The following APTX variants were observed in gnomAD, a reference collection of about 807,000 sequenced individuals.
The protein encoded by APTX is aprataxin.
A neutral mutation model predicts 42.3 loss-of-function variants in APTX; 33 were observed. The observed-to-expected ratio is 0.78, with a 90% CI of 0.59 to 1.04. The LOEUF is 1.04. Among genes scored for constraint, APTX ranks in the 50% least tolerant of loss-of-function variants. The pLI, the probability that APTX is intolerant of heterozygous loss-of-function variation, is 0.00. For synonymous variants in APTX, 130 were observed against 146.7 expected (o/e 0.89, Z 0.82); for missense variants, 421 against 415.1 (o/e 1.01, Z -0.12).
At chr9:32,988,928 T>G (rs1390980422) in intron 2 of APTX, among the ~76,000 whole-genome samples, 1 of 152,048 alleles carries the variant, frequency 6.6e-6, no homozygotes, top group Non-Finnish European at 1.5e-5. Context: ...GTGTGAGAAG[T>G]GGTAACATTA....
upstream of APTX, among the ~76,000 whole-genome samples, chr9:33,004,402 T>C (rs1290639458): frequency 6.6e-6 from 1 of 152,226 alleles, no homozygotes; most frequent in Non-Finnish European, 1.5e-5. Flanking sequence ...CAAAAACCAT[T>C]TGTACCCCTA....
intron 1 of APTX, 61 bp from the exon 2 acceptor site, chr9:32,989,956 G>A (rs1833167218): frequency 6.4e-7 from 1 of 1,566,126 alleles, no homozygotes; most frequent in African/African-American, 1.4e-5. Context: ...GTCCTCCAGG[G>A]CCACACCCGG....
At chr9:32,992,307 G>C (rs1833835047) in intron 1 of APTX, among the ~76,000 whole-genome samples, 1 of 152,228 alleles carries the variant, frequency 6.6e-6, no homozygotes, top group South Asian at 2.1e-4. Context: ...GGCAAAGTGA[G>C]CAAATGACAG....
chr9:32,998,160 T>G (rs953292617), intron 1 of APTX, among the ~76,000 whole-genome samples: 1 of 152,162 alleles, frequency 6.6e-6, no homozygotes, highest in African/African-American at 2.4e-5. Flanking sequence ...CTGTGGGACT[T>G]GCAGGCAGAG....
At chr9:33,019,791 G>A in intron 1 of APTX, 1 of 616,962 alleles carries the variant, frequency 1.6e-6, no homozygotes, top group Middle Eastern at 3.2e-4. Flanking sequence ...ATTCGGAGCA[G>A]GCAACAGTCT....
intron 1 of APTX, among the ~76,000 whole-genome samples, chr9:33,021,054 GGGAGGC>G (rs781023621): frequency 4.0e-4 from 61 of 152,090 alleles, no homozygotes; most frequent in Middle Eastern, 3.4e-3. Flanking sequence ...GCTTGAACCT[GGGAGGC>G]GGAGGCTGCA....
intron 1 of APTX, among the ~76,000 whole-genome samples, chr9:33,022,050 G>A (rs1273953392): frequency 1.3e-5 from 2 of 151,644 alleles, no homozygotes; most frequent in Non-Finnish European, 1.5e-5. Flanking sequence ...ATGCTGGACT[G>A]ATGAAGGGGA....
chr9:32,996,703 T>C (rs939089966), intron 1 of APTX, among the ~76,000 whole-genome samples: 1 of 152,258 alleles, frequency 6.6e-6, no homozygotes, highest in African/African-American at 2.4e-5. Flanking sequence ...TTATTGGATG[T>C]GGTCAAACTA....
rs1344055947 is a variant in APTX, at chr9:33,021,422, G to A, written c.-5+3601C>T. Among the ~76,000 whole-genome samples, 7 of 152,008 alleles carry A rather than the reference G, an allele frequency of 4.6e-5. No homozygotes were observed. In the East Asian group the frequency reaches 1.3e-3, roughly 29 times the overall value. On this transcript the variant is annotated intron_variant, in intron 1 of 6. Transcript: ENST00000436040. Reference sequence around the variant, plus strand: ...GGGAATCTGCCAGAAATATTCCTAAGTTCCTCTGGAAGAATAAACATATTA... The same window carrying A: ...GGGAATCTGCCAGAAATATTCCTAAATTCCTCTGGAAGAATAAACATATTA...
intron 1 of APTX, among the ~76,000 whole-genome samples, chr9:32,993,237 T>G (rs1267618976): frequency 6.6e-6 from 1 of 152,250 alleles, no homozygotes; most frequent in Non-Finnish European, 1.5e-5. Context: ...TGTTCCTTTT[T>G]ACTACTTCCT....
intron 1 of APTX, among the ~76,000 whole-genome samples, chr9:33,012,877 A>G (rs1837636604): frequency 6.6e-6 from 1 of 152,242 alleles, no homozygotes; most frequent in Non-Finnish European, 1.5e-5. Flanking sequence ...TCTGGAAGTC[A>G]TAAGATTGTC....
At chr9:32,992,452 A>C (rs1220786665) in intron 1 of APTX, among the ~76,000 whole-genome samples, 1 of 152,228 alleles carries the variant, frequency 6.6e-6, no homozygotes, top group East Asian at 1.9e-4. Context: ...AAGGGGACTG[A>C]TAAAGAAGAA....
chr9:32,977,376 CG>C (rs964903940), intron 6 of APTX, among the ~76,000 whole-genome samples: 1 of 151,994 alleles, frequency 6.6e-6, no homozygotes, highest in Non-Finnish European at 1.5e-5. Flanking sequence ...CCCAGCTACT[CG>C]GGAGGCTGAG....
chr9:33,008,111 C>T (rs1188890586), intron 1 of APTX, among the ~76,000 whole-genome samples: 2 of 152,044 alleles, frequency 1.3e-5, no homozygotes, highest in Non-Finnish European at 2.9e-5. Context: ...TTCCCAACTT[C>T]GTTATGTCAT....
chr9:33,005,626 G>A (rs1262603431), upstream of APTX, among the ~76,000 whole-genome samples: 1 of 150,970 alleles, frequency 6.6e-6, no homozygotes, highest in Non-Finnish European at 1.5e-5. Flanking sequence ...TAGAGACAGA[G>A]GTCTTGCTAT....
At chr9:33,015,697 A>G (rs1195099097) in intron 1 of APTX, among the ~76,000 whole-genome samples, 1 of 152,178 alleles carries the variant, frequency 6.6e-6, no homozygotes, top group Non-Finnish European at 1.5e-5. Context: ...GAATGCCACA[A>G]TACACCAATC....
At chr9:33,012,893 T>C (rs1408613060) in intron 1 of APTX, among the ~76,000 whole-genome samples, 2 of 152,176 alleles carry the variant, frequency 1.3e-5, no homozygotes, top group Non-Finnish European at 2.9e-5. Flanking sequence ...TTGTCTGAAA[T>C]CTGGGTCAAG....
intron 1 of APTX, among the ~76,000 whole-genome samples, chr9:32,998,190 G>C (rs2119060297): frequency 6.6e-6 from 1 of 152,328 alleles, no homozygotes; most frequent in Non-Finnish European, 1.5e-5. Flanking sequence ...AGGATAGTCA[G>C]ATGTGAGGGT....
intron 1 of APTX, among the ~76,000 whole-genome samples, chr9:33,011,884 A>G (rs1443971427): frequency 6.6e-6 from 1 of 152,018 alleles, no homozygotes; most frequent in African/African-American, 2.4e-5. Context: ...TCTTTCCAAT[A>G]TTGCATTGCT....
Sources: allele counts gnomAD v4.1 joint callset (sites outside exome capture counted in the v4.1 genomes callset), GRCh38; gene constraint gnomAD v4.1.1; transcripts MANE v1.5; gene names NCBI Gene and HGNC (gene_info 2026-07-23, HGNC 2026-07-21).